Variants in ARHGEF9 observed in about 807,000 individuals in gnomAD.
ARHGEF9 encodes the protein rho guanine nucleotide exchange factor 9.
A neutral mutation model predicts 41.3 loss-of-function variants in ARHGEF9; 2 were observed. That is an observed-to-expected ratio of 0.05 (90% CI 0.02 to 0.15). ARHGEF9 has a LOEUF of 0.15. ARHGEF9 is among the 10% of genes least tolerant of loss of function. The pLI is 1.00. For synonymous variants in ARHGEF9, 160 were observed against 154.4 expected (o/e 1.04, Z -0.27); for missense variants, 225 against 424.7 (o/e 0.53, Z 4.13).
intron 8 of ARHGEF9, among the ~76,000 whole-genome samples, chrX:63,646,494 CCCCATTG>C (rs2048081391): frequency 8.9e-6 from 1 of 111,881 alleles, no homozygotes; most frequent in Non-Finnish European, 1.9e-5. Context: ...GGAATTGTTT[CCCCATTG>C]CTTGTTTTTC....
chrX:63,731,789 G>C (rs2054312402), intron 1 of ARHGEF9, among the ~76,000 whole-genome samples: 1 of 110,603 alleles, frequency 9.0e-6, no homozygotes, highest in Non-Finnish European at 1.9e-5. Flanking sequence ...TTGAACTCCT[G>C]ACCTCAGGTG....
At chrX:63,747,871 CA>C (rs1207170247) in intron 1 of ARHGEF9, among the ~76,000 whole-genome samples, 1 of 112,541 alleles carries the variant, frequency 8.9e-6, no homozygotes, top group Non-Finnish European at 1.9e-5. Context: ...ACAGAAACTA[CA>C]GTTGTAGTAC....
chrX:63,730,379 A>G (rs2054210754), intron 1 of ARHGEF9, among the ~76,000 whole-genome samples: 1 of 111,886 alleles, frequency 8.9e-6, no homozygotes, highest in South Asian at 3.7e-4. Flanking sequence ...TAGGTGGTGG[A>G]GCAGATTTAA....
At chrX:63,755,265 C>A in intron 1 of ARHGEF9, 1 of 925,540 alleles carries the variant, frequency 1.1e-6, no homozygotes, top group Non-Finnish European at 1.3e-6. Flanking sequence ...GCGGGACTTG[C>A]GCTGGCGTGC....
At chrX:63,754,794 TGGGCTGATC>T in intron 1 of ARHGEF9, 1 of 946,554 alleles carries the variant, frequency 1.1e-6, no homozygotes, top group Non-Finnish European at 1.3e-6. Context: ...TTCTCAGGAT[TGGGCTGATC>T]GTTTGTCCCT....
At chrX:63,666,449 T>TACACACACACACAC (rs782141996) in intron 6 of ARHGEF9, among the ~76,000 whole-genome samples, 71 of 19,835 alleles carry the variant, frequency 3.6e-3, no homozygotes, top group African/African-American at 9.5e-3. Flanking sequence ...CATATATATA[T>TACACACACACACAC]ACATACACAC....
At chrX:63,762,988 T>G (rs1212891365) in intron 1 of ARHGEF9, among the ~76,000 whole-genome samples, 2 of 112,410 alleles carry the variant, frequency 1.8e-5, no homozygotes, top group African/African-American at 6.5e-5. Flanking sequence ...CTCTAGCTAC[T>G]TTATTGTAAT....
rs10542660 is a variant in ARHGEF9, at chrX:63,637,846, CTGTG to C, written c.*178_*181del. 0.037 allele frequency: 10,965 copies of C among 297,765 alleles called. 294 individuals carry two copies. The highest frequency in any genetic ancestry group is 0.18 in the African/African-American group (5,745 of 31,250). The allele number at this position is 297,765 out of a possible 1,213,427, so 24.5% of individuals were successfully genotyped here. A position where few individuals can be genotyped will look rare whatever the true frequency, so the allele number is the denominator to read the frequency against. ...GAAAACACTTTTGTTCCTTATCTCT[CTGTG>C]TGTGTGTGTGTGTGTGTGTGTGTGT... is the stretch of plus-strand genomic sequence containing the variant. On this transcript the variant is annotated 3_prime_UTR_variant, in exon 10 of 10. Coordinates refer to ENST00000671741, the MANE Select transcript of ARHGEF9 (RefSeq NM_001353921.2).
chrX:63,668,249 T>G (rs2049706305), intron 6 of ARHGEF9, among the ~76,000 whole-genome samples: 1 of 110,767 alleles, frequency 9.0e-6, no homozygotes, highest in African/African-American at 3.3e-5. Flanking sequence ...TACTTGTGTC[T>G]CAGCCTCCCA....
intron 1 of ARHGEF9, among the ~76,000 whole-genome samples, chrX:63,737,954 T>A (rs1419378170): frequency 8.9e-6 from 1 of 112,340 alleles, no homozygotes; most frequent in Non-Finnish European, 1.9e-5. Context: ...TTACTATGTG[T>A]CAGAGACAAA....
chrX:63,650,715 G>C (rs1295873794), intron 8 of ARHGEF9, among the ~76,000 whole-genome samples: 1 of 110,628 alleles, frequency 9.0e-6, no homozygotes, highest in Non-Finnish European at 1.9e-5. Context: ...ACCCTGATTT[G>C]ATCATTACAC....
At chrX:63,704,290 T>C (rs1312676985) in intron 3 of ARHGEF9, among the ~76,000 whole-genome samples, 2 of 112,708 alleles carry the variant, frequency 1.8e-5, no homozygotes, top group Non-Finnish European at 3.7e-5. Context: ...ATACATCAAA[T>C]AGTAACTTTG....
chrX:63,747,822 C>A (rs1248607613), intron 1 of ARHGEF9, among the ~76,000 whole-genome samples: 8 of 112,439 alleles, frequency 7.1e-5, no homozygotes, highest in African/African-American at 2.6e-4. Context: ...AAAGCTAAAT[C>A]CATTATGTCC....
At chrX:63,749,122 T>C (rs2055450167) in intron 1 of ARHGEF9, among the ~76,000 whole-genome samples, 1 of 112,602 alleles carries the variant, frequency 8.9e-6, no homozygotes, top group Admixed American at 9.3e-5. Flanking sequence ...AGAATGAAAA[T>C]TCTGAGCAAA....
chrX:63,724,690 C>A lies in ARHGEF9; in HGVS notation c.52G>T (p.Val18Phe). 8.3e-7 allele frequency: 1 copy of A among 1,211,504 alleles called. No individual in the cohort carries two copies. The highest frequency in any genetic ancestry group is 1.1e-6 in the Non-Finnish European group (1 of 895,393). Residue 18 changes from valine (V) to phenylalanine (F), a missense_variant, in exon 2 of 10, where the codon GTT becomes TTT. Coordinates refer to ENST00000671741, the MANE Select transcript of ARHGEF9 (RefSeq NM_001353921.2). ...TGATCCCATACTGCCTCAGCACTAA[C>A]GATGGAATCTCCAGTGATCAGCTTA... is the stretch of plus-strand genomic sequence containing the variant. The part of the protein sequence containing the change: ...SGMLITGDSI[V>F]SAEAVWDHVT...
At chrX:63,691,703 A>G (rs782691040) in intron 4 of ARHGEF9, among the ~76,000 whole-genome samples, 48 of 111,397 alleles carry the variant, frequency 4.3e-4, no homozygotes, top group African/African-American at 1.5e-3. Flanking sequence ...ATGGGAAAAA[A>G]ATCCTAAGGT....
chrX:63,681,712 A>G (rs1357230311), intron 4 of ARHGEF9, among the ~76,000 whole-genome samples: 1 of 111,655 alleles, frequency 9.0e-6, no homozygotes, highest in Non-Finnish European at 1.9e-5. Context: ...AGATAGCAGA[A>G]GGAAAAAAAT....
At chrX:63,751,233 T>TAC (rs1219416375) in intron 1 of ARHGEF9, among the ~76,000 whole-genome samples, 2 of 111,047 alleles carry the variant, frequency 1.8e-5, no homozygotes, top group Non-Finnish European at 3.8e-5. Context: ...TTCTCTTTTT[T>TAC]ACTTCTCACC....
intron 1 of ARHGEF9, among the ~76,000 whole-genome samples, chrX:63,751,601 C>T (rs1275423219): frequency 1.6e-4 from 18 of 111,542 alleles, no homozygotes; most frequent in African/African-American, 5.6e-4. Context: ...ATTTTAAAAG[C>T]GCTAACCCAT....
Sources: gnomAD v4.1 joint callset for allele counts (sites outside exome capture counted in the v4.1 genomes callset) on GRCh38, gnomAD v4.1.1 for gene constraint, MANE v1.5 for transcripts, NCBI Gene and HGNC (gene_info 2026-07-23, HGNC 2026-07-21) for gene names.